RIIAD1: variants seen among roughly 807,000 people sequenced by gnomAD.
RIIAD1 encodes the protein RIIa domain-containing protein 1.
RIIAD1 carries 15 observed loss-of-function variants against 13.3 expected under a neutral mutation model. That is an observed-to-expected ratio of 1.13 (90% CI 0.76 to 1.74). The LOEUF is 1.74. Ranked by LOEUF, RIIAD1 falls within the 40% of genes most tolerant of loss-of-function variation. The pLI, the probability that RIIAD1 is intolerant of heterozygous loss-of-function variation, is 0.00. For synonymous variants in RIIAD1, 50 were observed against 43.3 expected, an observed-to-expected ratio of 1.16 and a Z score of -0.61; for missense variants, 121 against 112.2, an observed-to-expected ratio of 1.08 and a Z score of -0.35.
intron 2 of RIIAD1, among the ~76,000 whole-genome samples, chr1:151,724,654 G>A (rs891534793): frequency 2.6e-5 from 4 of 152,164 alleles, no homozygotes; most frequent in African/African-American, 9.7e-5. Flanking sequence ...GCCTATATTG[G>A]TAAATACAGC....
intron 4 of RIIAD1, chr1:151,715,520 A>G: frequency 1.2e-6 from 1 of 859,302 alleles, no homozygotes; most frequent in Non-Finnish European, 1.7e-6. Context: ...CTTGCTGCAC[A>G]CGCACACACA....
At chr1:151,716,768 C>G (rs1673507449), upstream of RIIAD1, 1 of 465,262 alleles carries the variant, frequency 2.1e-6, no homozygotes, top group African/African-American at 2.0e-5. Context: ...GGTCCCGGAG[C>G]TCTGCTCTCC....
At chr1:151,720,839 T>G (rs946596292), upstream of RIIAD1, among the ~76,000 whole-genome samples, 1 of 152,216 alleles carries the variant, frequency 6.6e-6, no homozygotes, top group Non-Finnish European at 1.5e-5. Context: ...CTTAATTAGA[T>G]ACTAGAAGAA....
chr1:151,728,854 C>T lies in RIIAD1; in HGVS notation c.*18C>T, dbSNP rs546281952. 48 of 1,449,130 alleles carry T rather than the reference C, an allele frequency of 3.3e-5. No homozygotes were observed. Among genetic ancestry groups the T allele is most frequent in the Non-Finnish European group, 4.3e-5 (45 of 1,053,836 alleles). 89.8% of individuals were successfully genotyped at this position (1,449,130 alleles called of 1,614,324 possible). On this transcript the variant is annotated 3_prime_UTR_variant, in exon 4 of 5. Transcript: ENST00000479191. Reference sequence around the variant, plus strand: ...CGGCTTAATTAGCAAAATCATGATGCTCAGCTGTTGGGAGAGACCAGACGG... The same window carrying T: ...CGGCTTAATTAGCAAAATCATGATGTTCAGCTGTTGGGAGAGACCAGACGG...
At chr1:151,728,710 G>T in intron 3 of RIIAD1, 56 bp from the exon 4 acceptor site, 4 of 1,058,834 alleles carry the variant, frequency 3.8e-6, no homozygotes, top group South Asian at 1.3e-5. Flanking sequence ...TCCTTCCATG[G>T]GTAAATCTTT....
At chr1:151,717,587 G>A (rs1247097745), upstream of RIIAD1, among the ~76,000 whole-genome samples, 1 of 152,242 alleles carries the variant, frequency 6.6e-6, no homozygotes, top group Non-Finnish European at 1.5e-5. Flanking sequence ...CTAGCACCCT[G>A]TCTTGCTCAT....
chr1:151,729,426 A>T (rs575854875), intron 4 of RIIAD1, 62 bp from the exon 5 acceptor site: 1 of 152,488 alleles, frequency 6.6e-6, no homozygotes, highest in East Asian at 1.9e-4. Flanking sequence ...GGATTTAAAA[A>T]AAAAATGTGA....
At chr1:151,721,364 G>A (rs1673729432), upstream of RIIAD1, among the ~76,000 whole-genome samples, 1 of 152,202 alleles carries the variant, frequency 6.6e-6, no homozygotes, top group South Asian at 2.1e-4. Flanking sequence ...CCCCAATCCG[G>A]GAAAGGCGAT....
At chr1:151,711,647 C>T (rs1269508727) in intron 1 of RIIAD1, among the ~76,000 whole-genome samples, 2 of 152,232 alleles carry the variant, frequency 1.3e-5, no homozygotes, top group African/African-American at 4.8e-5. Flanking sequence ...GCTCAGGGTG[C>T]ATGGGCTTTC....
exon 4 of RIIAD1, chr1:151,714,510 T>A: frequency 1.0e-6 from 1 of 960,940 alleles, no homozygotes; most frequent in Non-Finnish European, 1.6e-6. Flanking sequence ...GTGGAAATTA[T>A]GCTCAGTGTC....
intron 2 of RIIAD1, among the ~76,000 whole-genome samples, chr1:151,722,446 C>T (rs2101507341): frequency 6.6e-6 from 1 of 152,268 alleles, no homozygotes; most frequent in East Asian, 1.9e-4. Context: ...CCCTTCCCTA[C>T]TTGAAAACAT....
chr1:151,721,674 A>C, intron 1 of RIIAD1, 54 bp downstream of exon 1: 1 of 1,124,510 alleles, frequency 8.9e-7, no homozygotes, highest in Non-Finnish European at 1.2e-6. Context: ...CTGCCCCAGG[A>C]CTGGGGCCCC....
intron 4 of RIIAD1, 88 bp from the exon 5 acceptor site, chr1:151,729,400 A>G (rs969037415): frequency 1.3e-5 from 2 of 152,178 alleles, no homozygotes; most frequent in South Asian, 2.1e-4. Context: ...GATTCCTGAA[A>G]TGATATTGAA....
chr1:151,714,386 T>C, intron 3 of RIIAD1: 1 of 635,040 alleles, frequency 1.6e-6, no homozygotes, highest in Non-Finnish European at 2.9e-6. Flanking sequence ...AAAGTCATGT[T>C]TACGCCACTA....
At chr1:151,724,606 A>T (rs1052885836) in intron 2 of RIIAD1, among the ~76,000 whole-genome samples, 3 of 152,230 alleles carry the variant, frequency 2.0e-5, no homozygotes, top group Middle Eastern at 3.4e-3. Context: ...GGTTTTTTAG[A>T]TCCTAATGAT....
intron 4 of RIIAD1, chr1:151,714,711 G>C (rs112842239): frequency 7.0e-7 from 1 of 1,434,480 alleles, no homozygotes; most frequent in Non-Finnish European, 9.6e-7. Context: ...ACACGGCGGG[G>C]GGTGAGTCCT....
chr1:151,721,102 C>A (rs966351504), upstream of RIIAD1, among the ~76,000 whole-genome samples: 1 of 152,132 alleles, frequency 6.6e-6, no homozygotes, highest in Non-Finnish European at 1.5e-5. Flanking sequence ...TTTGAAGAAT[C>A]CACGGCTCCA....
In RIIAD1 at chr1:151,728,908, CACTT is replaced by C. The variant is rs1571951074; in HGVS notation, c.*57+18_*57+21del. ...CCAGCCTCGGGGTGGGTGTTAACCTCACTTACAGACAGAGGCTTCTTTACTCTTG... is the reference window on the plus strand; with the variant it reads ...CCAGCCTCGGGGTGGGTGTTAACCTCACAGACAGAGGCTTCTTTACTCTTG... On this transcript the variant is annotated intron_variant, in intron 4 of 4. Transcript: ENST00000479191. 8 of 795,826 alleles carry C rather than the reference CACTT, an allele frequency of 1.0e-5. No individual in the cohort carries two copies. The East Asian group carries it at 1.6e-4, about 16-fold the overall frequency. The allele number at this position is 795,826 out of a possible 1,614,324, so 49.3% of individuals were successfully genotyped here.
chr1:151,716,417 T>G (rs1203710967), intron 4 of RIIAD1: 2 of 280,778 alleles, frequency 7.1e-6, no homozygotes, highest in Non-Finnish European at 1.4e-5. Context: ...GGAAAGGGCC[T>G]GAGGAGGGTG....
Sources: gnomAD v4.1 joint callset for allele counts (sites outside exome capture counted in the v4.1 genomes callset) on GRCh38, gnomAD v4.1.1 for gene constraint, MANE v1.5 for transcripts, NCBI Gene and HGNC (gene_info 2026-07-23, HGNC 2026-07-21) for gene names.